RCHY1: variants seen among roughly 807,000 people sequenced by gnomAD.
RCHY1 encodes RING finger and CHY zinc finger domain-containing protein 1.
A neutral mutation model predicts 41.6 loss-of-function variants in RCHY1; 21 were observed. The observed-to-expected ratio is 0.51, with a 90% CI of 0.36 to 0.73. RCHY1 has a LOEUF of 0.73. Ranked by LOEUF, RCHY1 falls within the 30% of genes least tolerant of loss-of-function variation. The pLI is 0.00. For synonymous variants in RCHY1, 79 were observed against 102.9 expected (o/e 0.77, Z 1.41); for missense variants, 265 against 325.3 (o/e 0.81, Z 1.43).
At chr4:75,487,446 TATATATATAGTCATATATATATTCACA>T (rs1471247941) in intron 8 of RCHY1, among the ~76,000 whole-genome samples, 10 of 138,722 alleles carry the variant, frequency 7.2e-5, no homozygotes. Flanking sequence ...TATATATAAA[TATATATATAGTCATATATATATTCACA>T]ATATATATAG....
At position 75,491,632 on chromosome 4, in the gene RCHY1, C is replaced by T. The variant is rs992222335; in HGVS notation, c.515G>A (p.Cys172Tyr). Residue 172 changes from cysteine to tyrosine, a missense_variant, in exon 7 of 9, where the codon TGT becomes TAT. Coordinates refer to ENST00000324439, the MANE Select transcript of RCHY1 (RefSeq NM_015436.4). ...TCACTCTTTCAACATTTCTTCATAA[C>T]ACGTTCTGAAAGAAAATATAAGATT... Reference protein sequence around the residue: ...LPCGHLLHRTCYEEMLKEGYR... With the variant: ...LPCGHLLHRTYYEEMLKEGYR... The T allele has an allele frequency of 6.2e-7, 1 of 1,600,974 alleles. No homozygotes were observed. Among genetic ancestry groups the T allele is most frequent in the Non-Finnish European group, 8.6e-7 (1 of 1,169,234 alleles).
chr4:75,512,120 T>C (rs1374348203), intron 1 of RCHY1, among the ~76,000 whole-genome samples: 1 of 152,190 alleles, frequency 6.6e-6, no homozygotes, highest in Non-Finnish European at 1.5e-5. Context: ...CAGGTGAATA[T>C]GGCTAGAGAA....
intron 2 of RCHY1, 75 bp from the exon 3 acceptor site, chr4:75,509,010 G>T: frequency 8.3e-7 from 1 of 1,211,296 alleles, no homozygotes; most frequent in Non-Finnish European, 1.2e-6. Context: ...TAGAACTTAT[G>T]TTCAACTATA....
chr4:75,492,806 C>G lies in RCHY1; in HGVS notation c.406-873G>C, dbSNP rs1187213806. Among the ~76,000 whole-genome samples the G allele has an allele frequency of 5.3e-5, 8 of 151,930 alleles. 1 individual carries two copies. The highest frequency in any genetic ancestry group is 7.4e-5 in the Non-Finnish European group (5 of 67,872). ...TAAGCTTAATAGTAAGTTTAAAAAT[C>G]TAGACTGTAATCCTAGCTCTGCTAT... On this transcript the variant is annotated intron_variant, in intron 4 of 8. Transcript: ENST00000324439.
chr4:75,510,678 T>A (rs1329757657), intron 1 of RCHY1, among the ~76,000 whole-genome samples: 1 of 152,226 alleles, frequency 6.6e-6, no homozygotes, highest in Non-Finnish European at 1.5e-5. Context: ...TTAAAATTAC[T>A]GAGAATCCCA....
In RCHY1 at chr4:75,490,571, T is replaced by C; in HGVS notation, c.657+10A>G. On this transcript the variant is annotated intron_variant, in intron 8 of 8. Transcript: ENST00000324439. ...GAGTCTACAAAGTTTTAAGTATTGATTCTACTCACATCCACAGTCATGTTC... is the reference window on the plus strand; with the variant it reads ...GAGTCTACAAAGTTTTAAGTATTGACTCTACTCACATCCACAGTCATGTTC... The C allele has an allele frequency of 3.7e-6, 6 of 1,607,006 alleles. No individual in the cohort carries two copies. Among genetic ancestry groups the C allele is most frequent in the Non-Finnish European group, 5.1e-6 (6 of 1,177,106 alleles).
rs960511082 is a variant in RCHY1, at chr4:75,481,063, T to C, written c.*1475A>G. The C allele has an allele frequency of 6.6e-6, 1 of 152,254 alleles. No homozygotes were observed. Among genetic ancestry groups the C allele is most frequent in the East Asian group, 1.9e-4 (1 of 5,200 alleles). The allele number at this position is 152,254 out of a possible 1,614,324, so 9.4% of individuals were successfully genotyped here. A position where few individuals can be genotyped will look rare whatever the true frequency, so the allele number is the denominator to read the frequency against. On this transcript the variant is annotated 3_prime_UTR_variant, in exon 9 of 9. Coordinates refer to ENST00000324439, the MANE Select transcript of RCHY1 (RefSeq NM_015436.4). Reference sequence around the variant, plus strand: ...AATTGGTAATACCCAGGAACATCCTTTCCCAAATGAAGATCAGCACTGCTG... The same window carrying C: ...AATTGGTAATACCCAGGAACATCCTCTCCCAAATGAAGATCAGCACTGCTG...
intron 8 of RCHY1, among the ~76,000 whole-genome samples, chr4:75,482,883 G>GA (rs1165107322): frequency 9.8e-5 from 13 of 132,372 alleles, no homozygotes; most frequent in South Asian, 2.5e-4. Flanking sequence ...GCAGATTTGA[G>GA]CAAAAAAAAA....
chr4:75,506,791 A>C (rs922791966), intron 3 of RCHY1, among the ~76,000 whole-genome samples: 1 of 152,116 alleles, frequency 6.6e-6, no homozygotes, highest in Non-Finnish European at 1.5e-5. Flanking sequence ...AGATTCAACA[A>C]ATGCTACAAA....
At chr4:75,509,077 G>C in intron 2 of RCHY1, 100 bp downstream of exon 2, 1 of 1,274,452 alleles carries the variant, frequency 7.8e-7, no homozygotes, top group Non-Finnish European at 1.1e-6. Context: ...GCTTATTCTA[G>C]AAGTTAAAGA....
rs767784574 is a variant in RCHY1 at position 75,514,295 on chromosome 4, C to T, written c.-9G>A. The T allele has an allele frequency of 3.1e-6, 5 of 1,609,830 alleles. No homozygotes were observed. In the South Asian group the frequency reaches 4.4e-5, roughly 14 times the overall value. ...CGGGCCGTCGCCGCCATCTCCTCCA[C>T]CTCCCCTCACATTCCACCGATCCTT... On this transcript the variant is annotated 5_prime_UTR_variant, in exon 1 of 9. The change creates a new upstream start codon in the 5' untranslated region. Transcript: ENST00000324439.
intron 4 of RCHY1, 83 bp downstream of exon 4, chr4:75,494,018 C>A: frequency 2.6e-6 from 2 of 780,646 alleles, no homozygotes; most frequent in Non-Finnish European, 2.0e-6. Context: ...TGAAAATTAG[C>A]ATGCTTCCAA....
intron 8 of RCHY1, among the ~76,000 whole-genome samples, chr4:75,487,615 A>AATATATATATTC (rs1722226485): frequency 5.8e-4 from 23 of 39,934 alleles, no homozygotes; most frequent in Non-Finnish European, 8.5e-4. Context: ...ATATATTCAT[A>AATATATATATTC]ATATATATAT....
chr4:75,505,077 G>C (rs1724166638), intron 3 of RCHY1, among the ~76,000 whole-genome samples: 2 of 152,150 alleles, frequency 1.3e-5, no homozygotes, highest in African/African-American at 2.4e-5. Context: ...ACCGAGGTTG[G>C]GGGATGGTTT....
At chr4:75,493,465 C>T (rs1722925655) in intron 4 of RCHY1, among the ~76,000 whole-genome samples, 1 of 151,794 alleles carries the variant, frequency 6.6e-6, no homozygotes. Flanking sequence ...CTATCTGTCT[C>T]TCTCTCTCTC....
At chr4:75,500,915 T>C (rs2148752747) in intron 3 of RCHY1, among the ~76,000 whole-genome samples, 1 of 152,298 alleles carries the variant, frequency 6.6e-6, no homozygotes, top group African/African-American at 2.4e-5. Flanking sequence ...TCAAATAACA[T>C]GATTTTTTAA....
At chr4:75,495,021 T>TA (rs750135025) in intron 3 of RCHY1, among the ~76,000 whole-genome samples, 2 of 152,128 alleles carry the variant, frequency 1.3e-5, no homozygotes, top group East Asian at 3.9e-4. Context: ...AATTTACTGG[T>TA]AAAAAATATA....
chr4:75,514,288 T>A lies in RCHY1; in HGVS notation c.-2A>T. ...ATCTTCCCGGGCCGTCGCCGCCATCTCCTCCACCTCCCCTCACATTCCACC... is the reference window on the plus strand; with the variant it reads ...ATCTTCCCGGGCCGTCGCCGCCATCACCTCCACCTCCCCTCACATTCCACC... On this transcript the variant is annotated 5_prime_UTR_variant, in exon 1 of 9. Coordinates refer to ENST00000324439, the MANE Select transcript of RCHY1 (RefSeq NM_015436.4). 3 of 1,610,682 alleles carry A rather than the reference T, an allele frequency of 1.9e-6. No homozygotes were observed. Among genetic ancestry groups the A allele is most frequent in the Non-Finnish European group, 1.7e-6 (2 of 1,177,416 alleles).
chr4:75,511,923 C>T (rs1176944555), intron 1 of RCHY1, among the ~76,000 whole-genome samples: 2 of 152,086 alleles, frequency 1.3e-5, no homozygotes, highest in African/African-American at 4.8e-5. Context: ...ACTTTGAAAA[C>T]CAATGCTACA....
Sources: gnomAD v4.1 joint callset for allele counts (sites outside exome capture counted in the v4.1 genomes callset) on GRCh38, gnomAD v4.1.1 for gene constraint, MANE v1.5 for transcripts, NCBI Gene and HGNC (gene_info 2026-07-23, HGNC 2026-07-21) for gene names.